NAALADL2: variants seen among roughly 807,000 people sequenced by gnomAD.
The protein encoded by NAALADL2 is N-acetylated alpha-linked acidic dipeptidase like 2.
NAALADL2 carries 76 observed loss-of-function variants against 87.2 expected under a neutral mutation model. The observed-to-expected ratio is 0.87, with a 90% CI of 0.72 to 1.05. The LOEUF (loss-of-function observed/expected upper bound fraction) is 1.05. Ranked by LOEUF, NAALADL2 falls within the 50% of genes least tolerant of loss-of-function variation. NAALADL2 has a pLI of 0.00. For missense variants in NAALADL2, 1,089 were observed against 945.8 expected (o/e 1.15, Z -1.99); for synonymous variants, 354 against 331.0 (o/e 1.07, Z -0.75).
chr3:175,764,800 T>A (rs1748479993), intron 13 of NAALADL2, among the ~76,000 whole-genome samples: 1 of 152,132 alleles, frequency 6.6e-6, no homozygotes, highest in African/African-American at 2.4e-5. Context: ...AGTACATACA[T>A]AATTTTAAGA....
intron 1 of NAALADL2, among the ~76,000 whole-genome samples, chr3:175,032,275 C>A (rs1389080443): frequency 6.6e-6 from 1 of 151,744 alleles, no homozygotes; most frequent in East Asian, 1.9e-4. Flanking sequence ...TTGTTAATAT[C>A]CAGTATTATT....
At chr3:174,907,491 T>C (rs1234579608) in intron 1 of NAALADL2, among the ~76,000 whole-genome samples, 1 of 152,106 alleles carries the variant, frequency 6.6e-6, no homozygotes, top group Non-Finnish European at 1.5e-5. Flanking sequence ...TTTGTACTAA[T>C]ATTTCAAAAC....
intron 1 of NAALADL2, among the ~76,000 whole-genome samples, chr3:174,909,094 A>G (rs1241628637): frequency 1.3e-5 from 2 of 152,046 alleles, no homozygotes; most frequent in African/African-American, 4.8e-5. Context: ...TAACAGTATT[A>G]GCTAAATTTA....
chr3:174,547,152 C>T (rs1336585994), intron 1 of NAALADL2, among the ~76,000 whole-genome samples: 2 of 152,022 alleles, frequency 1.3e-5, no homozygotes, highest in Non-Finnish European at 2.9e-5. Context: ...TAAGTTTTCT[C>T]TAGATCATGT....
intron 11 of NAALADL2, among the ~76,000 whole-genome samples, chr3:175,628,188 C>G (rs189109038): frequency 1.3e-5 from 2 of 151,532 alleles, no homozygotes; most frequent in Non-Finnish European, 3.0e-5. Context: ...CTTTCAGTGC[C>G]GTATTCGACA....
chr3:174,985,933 C>G (rs545833505), intron 1 of NAALADL2, among the ~76,000 whole-genome samples: 1 of 151,580 alleles, frequency 6.6e-6, no homozygotes. Flanking sequence ...GCCTGGGCAA[C>G]GAGAGCGAAA....
intron 9 of NAALADL2, among the ~76,000 whole-genome samples, chr3:175,483,261 A>G (rs548150617): frequency 1.4e-3 from 205 of 151,598 alleles, no homozygotes; most frequent in Non-Finnish European, 2.3e-3. Context: ...TTTAGAAAGC[A>G]TGCACATAGT....
At chr3:175,581,472 A>G (rs1213527074) in intron 10 of NAALADL2, among the ~76,000 whole-genome samples, 1 of 152,134 alleles carries the variant, frequency 6.6e-6, no homozygotes. Context: ...GCCTGAATAC[A>G]AGACAATTGG....
intron 2 of NAALADL2, among the ~76,000 whole-genome samples, chr3:174,622,905 T>A (rs369492212): frequency 7.6e-4 from 115 of 152,222 alleles, no homozygotes; most frequent in African/African-American, 2.6e-3. Context: ...TAGCCAGGCG[T>A]GGTGGCAGGC....
chr3:175,048,934 C>T (rs1180806876), intron 1 of NAALADL2, among the ~76,000 whole-genome samples: 1 of 152,018 alleles, frequency 6.6e-6, no homozygotes, highest in African/African-American at 2.4e-5. Flanking sequence ...TTTAGACAAA[C>T]CACTTAGTTT....
chr3:175,607,952 T>C (rs1724017248), intron 10 of NAALADL2, among the ~76,000 whole-genome samples: 2 of 151,196 alleles, frequency 1.3e-5, no homozygotes, highest in Non-Finnish European at 3.0e-5. Flanking sequence ...AATCTGAAAT[T>C]TGAGAAATTT....
At chr3:174,480,897 C>T (rs1481448482) in intron 1 of NAALADL2, among the ~76,000 whole-genome samples, 2 of 151,926 alleles carry the variant, frequency 1.3e-5, no homozygotes, top group Non-Finnish European at 2.9e-5. Flanking sequence ...ACATACAGGT[C>T]CGACAGGTCA....
At chr3:175,598,029 A>G (rs1043327135) in intron 10 of NAALADL2, among the ~76,000 whole-genome samples, 1 of 152,030 alleles carries the variant, frequency 6.6e-6, no homozygotes, top group Non-Finnish European at 1.5e-5. Flanking sequence ...ATGTATGTAT[A>G]CGTTGTATTA....
intron 2 of NAALADL2, among the ~76,000 whole-genome samples, chr3:174,662,339 T>A (rs1247956345): frequency 6.6e-6 from 1 of 152,174 alleles, no homozygotes; most frequent in Non-Finnish European, 1.5e-5. Flanking sequence ...ATAAAATTTA[T>A]TAAGGATATT....
At chr3:174,910,910 AT>A (rs991767346) in intron 1 of NAALADL2, among the ~76,000 whole-genome samples, 1 of 152,072 alleles carries the variant, frequency 6.6e-6, no homozygotes, top group African/African-American at 2.4e-5. Context: ...GGGGCTGTGA[AT>A]GCTTTCGCAA....
intron 4 of NAALADL2, among the ~76,000 whole-genome samples, chr3:175,310,182 G>T (rs1338264463): frequency 6.6e-6 from 1 of 152,024 alleles, no homozygotes; most frequent in Non-Finnish European, 1.5e-5. Flanking sequence ...ATACCCACCA[G>T]CCTTGGAGGA....
chr3:175,463,309 T>C, intron 6 of NAALADL2, 92 bp from the exon 7 acceptor site: 1 of 739,816 alleles, frequency 1.4e-6, no homozygotes, highest in Non-Finnish European at 2.1e-6. Flanking sequence ...TGGAATTCTT[T>C]TGCTGATGAT....
intron 1 of NAALADL2, among the ~76,000 whole-genome samples, chr3:174,971,394 A>T (rs1157636652): frequency 1.3e-5 from 2 of 152,212 alleles, no homozygotes; most frequent in African/African-American, 4.8e-5. Context: ...TCTATCTTAA[A>T]GATGCCAAAA....
chr3:174,963,116 A>G (rs894632144), intron 1 of NAALADL2, among the ~76,000 whole-genome samples: 1 of 152,096 alleles, frequency 6.6e-6, no homozygotes, highest in Admixed American at 6.6e-5. Flanking sequence ...TGGGAGGTCA[A>G]ATATACATTC....
Sources: gnomAD v4.1 joint callset for allele counts (sites outside exome capture counted in the v4.1 genomes callset) on GRCh38, gnomAD v4.1.1 for gene constraint, MANE v1.5 for transcripts, NCBI Gene and HGNC (gene_info 2026-07-23, HGNC 2026-07-21) for gene names.